Variants in LEP observed in about 807,000 individuals in gnomAD.
LEP encodes leptin, also known as leptin (murine obesity homolog).
A neutral mutation model predicts 9.8 loss-of-function variants in LEP; 6 were observed. The ratio of observed to expected loss-of-function variants is 0.61; its 90% CI spans 0.34 to 1.21. The LOEUF (loss-of-function observed/expected upper bound fraction) is 1.21. Ranked by LOEUF, LEP falls within the 50% of genes most tolerant of loss-of-function variation. The pLI is 0.04. For synonymous variants in LEP, 112 were observed against 81.7 expected (o/e 1.37, Z -2.00); for missense variants, 134 against 198.1 (o/e 0.68, Z 1.94).
At chr7:128,250,724 A>G (rs1328990814) in intron 1 of LEP, among the ~76,000 whole-genome samples, 1 of 152,186 alleles carries the variant, frequency 6.6e-6, no homozygotes, top group Non-Finnish European at 1.5e-5. Flanking sequence ...AAAATGTATT[A>G]CCTGTCTTCA....
At chr7:128,251,169 T>C (rs77448332) in intron 1 of LEP, among the ~76,000 whole-genome samples, 1 of 152,192 alleles carries the variant, frequency 6.6e-6, no homozygotes, top group Admixed American at 6.5e-5. Context: ...TCCAGTAGTA[T>C]CTTGTACCTG....
intron 1 of LEP, among the ~76,000 whole-genome samples, chr7:128,247,870 C>T (rs779561883): frequency 2.2e-4 from 33 of 152,220 alleles, no homozygotes; most frequent in Non-Finnish European, 4.0e-4. Context: ...TAGCCACTTT[C>T]CTAGGGCCCT....
Position 128,254,306 on chromosome 7 carries a change from C to G in LEP, c.145-98C>G, listed in dbSNP as rs905777561. The G allele has an allele frequency of 2.6e-6, 4 of 1,523,434 alleles. No homozygotes were observed. In the Admixed American group the frequency reaches 5.0e-5, roughly 19 times the overall value. 94.4% of individuals were successfully genotyped at this position (1,523,434 alleles called of 1,614,324 possible). ...TGAGGGAGGGTGGAAGGAGGCAGCCCAGAGAATGACCCTCCATGCCCACGG... is the reference window on the plus strand; with the variant it reads ...TGAGGGAGGGTGGAAGGAGGCAGCCGAGAGAATGACCCTCCATGCCCACGG... On this transcript the variant is annotated intron_variant, in intron 2 of 2. Coordinates refer to ENST00000308868, the MANE Select transcript of LEP (RefSeq NM_000230.3).
In LEP at chr7:128,254,803, G is replaced by A. The variant is rs1286398887; in HGVS notation, c.*40G>A. ...CTCTTCCTGCAAGGACTACGTTAAG[G>A]GAAGGAACTCTGGCTTCCAGGTATC... On this transcript the variant is annotated 3_prime_UTR_variant, in exon 3 of 3. Transcript: ENST00000308868. 1.3e-6 allele frequency: 2 copies of A among 1,598,112 alleles called. No individual in the cohort carries two copies. The highest frequency in any genetic ancestry group is 1.3e-5 in the African/African-American group (1 of 74,826).
At chr7:128,251,956 G>A (rs1332282240) in intron 1 of LEP, 35 bp from the exon 2 acceptor site, 8 of 1,553,064 alleles carry the variant, frequency 5.2e-6, no homozygotes, top group African/African-American at 1.4e-5. Context: ...CTGAGATACC[G>A]GCTCCTTGCA....
chr7:128,242,143 A>G (rs935856497), intron 1 of LEP, among the ~76,000 whole-genome samples: 4 of 152,222 alleles, frequency 2.6e-5, no homozygotes, highest in African/African-American at 9.6e-5. Context: ...GCTTTGGGAA[A>G]GTGACTCCTT....
At chr7:128,253,266 A>C (rs2116224743) in intron 2 of LEP, among the ~76,000 whole-genome samples, 1 of 152,240 alleles carries the variant, frequency 6.6e-6, no homozygotes, top group East Asian at 1.9e-4. Context: ...GATACCCAAA[A>C]GAGCGAGTCT....
At chr7:128,245,780 T>A (rs1202792675) in intron 1 of LEP, among the ~76,000 whole-genome samples, 1 of 152,148 alleles carries the variant, frequency 6.6e-6, no homozygotes, top group Non-Finnish European at 1.5e-5. Flanking sequence ...GAGCAGCAGA[T>A]GGGCCAGGCT....
In LEP at chr7:128,256,791, A is replaced by C. The variant is rs1161231479; in HGVS notation, c.*2028A>C. ...CCAGGACTATAGCCCAGGTCCTCTG[A>C]TACCCAGAGCATTACGTGAGCCAGG... On this transcript the variant is annotated 3_prime_UTR_variant, in exon 3 of 3. Coordinates refer to ENST00000308868, the MANE Select transcript of LEP (RefSeq NM_000230.3). 6.6e-6 allele frequency: 1 copy of C among 152,276 alleles called. No individual in the cohort carries two copies. Among genetic ancestry groups the C allele is most frequent in the African/African-American group, 2.4e-5 (1 of 41,478 alleles). 9.4% of individuals were successfully genotyped at this position (152,276 alleles called of 1,614,324 possible).
At position 128,257,512 on chromosome 7, in the gene LEP, T is replaced by C. The variant is rs1281865312; in HGVS notation, c.*2749T>C. 1 of 146,082 alleles carries C rather than the reference T, an allele frequency of 6.8e-6. No individual in the cohort carries two copies. The highest frequency in any genetic ancestry group is 2.0e-4 in the East Asian group (1 of 4,962). The allele number at this position is 146,082 out of a possible 1,614,324, so 9.0% of individuals were successfully genotyped here. A position where few individuals can be genotyped will look rare whatever the true frequency, so the allele number is the denominator to read the frequency against. On this transcript the variant is annotated 3_prime_UTR_variant, in exon 3 of 3. Coordinates refer to ENST00000308868, the MANE Select transcript of LEP (RefSeq NM_000230.3). The stretch of plus-strand genomic sequence containing the variant: ...TAAACCTGGGAGGCGGAGAGTACAG[T>C]GAGCCAAGATCGCGCCACTGCACTC...
rs1795318596 is a variant in LEP, at chr7:128,254,857, C to T, written c.*94C>T. ...AGGATTGAAGAGCATTGCATGGACA[C>T]CCCTTATCCAGGACTCTGTCAATTT... On this transcript the variant is annotated 3_prime_UTR_variant, in exon 3 of 3. Transcript: ENST00000308868. The T allele has an allele frequency of 7.3e-7, 1 of 1,371,950 alleles. No homozygotes were observed. The allele number at this position is 1,371,950 out of a possible 1,614,324, so 85.0% of individuals were successfully genotyped here.
intron 1 of LEP, among the ~76,000 whole-genome samples, chr7:128,245,384 G>C (rs535408574): frequency 7.9e-5 from 12 of 152,224 alleles, no homozygotes; most frequent in African/African-American, 2.6e-4. Flanking sequence ...CTCCCACCAG[G>C]TTGTGTTAAA....
intron 1 of LEP, among the ~76,000 whole-genome samples, chr7:128,246,609 A>G (rs986203048): frequency 6.6e-6 from 1 of 150,758 alleles, no homozygotes; most frequent in Non-Finnish European, 1.5e-5. Context: ...GTTTGCCACC[A>G]CACTCAGCTA....
At chr7:128,245,959 G>A (rs887619635) in intron 1 of LEP, among the ~76,000 whole-genome samples, 2 of 151,948 alleles carry the variant, frequency 1.3e-5, no homozygotes, top group Non-Finnish European at 2.9e-5. Flanking sequence ...CTACCCGGGA[G>A]GCTGAGGAGG....
intron 1 of LEP, among the ~76,000 whole-genome samples, chr7:128,243,411 G>A (rs1242559390): frequency 6.6e-6 from 1 of 152,206 alleles, no homozygotes; most frequent in Non-Finnish European, 1.5e-5. Context: ...GAAGACGGGA[G>A]GGCAGGGCAG....
chr7:128,254,734 T>C lies in LEP; in HGVS notation c.475T>C (p.Trp159Arg). 2 of 1,612,300 alleles carry C rather than the reference T, an allele frequency of 1.2e-6. No individual in the cohort carries two copies. Among genetic ancestry groups the C allele is most frequent in the African/African-American group, 1.3e-5 (1 of 75,024 alleles). The change falls in exon 3 of 3, where the codon TGG becomes CGG. Residue 159 changes from tryptophan to arginine, a missense_variant. Coordinates refer to ENST00000308868, the MANE Select transcript of LEP (RefSeq NM_000230.3). ...GCAGGGGTCTCTGCAGGACATGCTG[T>C]GGCAGCTGGACCTCAGCCCTGGGTG... The part of the protein sequence containing the change: ...RLQGSLQDML[W>R]QLDLSPGC
intron 1 of LEP, among the ~76,000 whole-genome samples, chr7:128,251,361 C>T (rs1227410720): frequency 6.6e-6 from 1 of 152,188 alleles, no homozygotes; most frequent in Non-Finnish European, 1.5e-5. Context: ...GGGATTCAGG[C>T]TCCCAGTGGG....
At chr7:128,242,594 G>A (rs1441768025) in intron 1 of LEP, among the ~76,000 whole-genome samples, 2 of 152,190 alleles carry the variant, frequency 1.3e-5, no homozygotes, top group Non-Finnish European at 2.9e-5. Flanking sequence ...AGCAGTTGTG[G>A]ACATTGGGCT....
chr7:128,249,224 G>C (rs1332334269), intron 1 of LEP, among the ~76,000 whole-genome samples: 1 of 152,174 alleles, frequency 6.6e-6, no homozygotes, highest in Non-Finnish European at 1.5e-5. Context: ...GCTGCATTTA[G>C]CAGAGACCCA....
Sources: gnomAD v4.1 joint callset for allele counts (sites outside exome capture counted in the v4.1 genomes callset) on GRCh38, gnomAD v4.1.1 for gene constraint, MANE v1.5 for transcripts, NCBI Gene and HGNC (gene_info 2026-07-23, HGNC 2026-07-21) for gene names.